The following POTEE variants were observed in gnomAD, a reference collection of about 807,000 sequenced individuals.
POTEE encodes POTE ankyrin domain family member E, also known as ANKRD26-like family C member 1A.
A neutral mutation model predicts 74.2 loss-of-function variants in POTEE; 21 were observed. The observed-to-expected ratio is 0.28, with a 90% CI of 0.20 to 0.41. The LOEUF (loss-of-function observed/expected upper bound fraction) is 0.41, where lower values mean the gene tolerates loss of function less well. Ranked by LOEUF, POTEE falls within the 10% of genes least tolerant of loss-of-function variation. The probability of loss-of-function intolerance (pLI) is 1.00; values close to 1 mark genes in which losing one functional copy is unlikely to be tolerated. For synonymous variants in POTEE, 211 were observed against 432.8 expected (o/e 0.49, Z 6.36); for missense variants, 525 against 1,158.6 (o/e 0.45, Z 7.94).
At position 131,209,544 on chromosome 2, in the gene POTEE, C is replaced by G. The variant is rs1309056334; in HGVS notation, c.-620C>G. Among the ~76,000 whole-genome samples the G allele has an allele frequency of 6.6e-6, 1 of 152,204 alleles. No individual in the cohort carries two copies. Among genetic ancestry groups the G allele is most frequent in the Non-Finnish European group, 1.5e-5 (1 of 68,042 alleles). ...GGAGGTGGCGTCAGGTCATTTCAGG[C>G]TCTTAAGTGTGGGCGTTTGGTAACC... On this transcript the variant is annotated 5_prime_UTR_variant, in exon 1 of 18. Coordinates refer to ENST00000683005, the MANE Select transcript of POTEE (RefSeq NM_001083538.3).
chr2:131,260,209 G>C (rs1701669525), intron 16 of POTEE, among the ~76,000 whole-genome samples: 1 of 149,882 alleles, frequency 6.7e-6, no homozygotes, highest in Admixed American at 6.6e-5. Context: ...CGCTGTTTCT[G>C]TTACTGTGGT....
At chr2:131,215,217 A>G (rs927771862) in intron 2 of POTEE, among the ~76,000 whole-genome samples, 27 of 152,188 alleles carry the variant, frequency 1.8e-4, no homozygotes, top group African/African-American at 5.3e-4. Flanking sequence ...AATCATTTAA[A>G]CGTTAGATAA....
chr2:131,221,124 T>A (rs1055161934), intron 4 of POTEE, among the ~76,000 whole-genome samples: 1 of 152,342 alleles, frequency 6.6e-6, no homozygotes, highest in Non-Finnish European at 1.5e-5. Context: ...AAAAATGTTA[T>A]GCTTTTTACT....
At chr2:131,221,371 A>G (rs1319850097) in intron 4 of POTEE, among the ~76,000 whole-genome samples, 1 of 152,236 alleles carries the variant, frequency 6.6e-6, no homozygotes, top group Admixed American at 6.5e-5. Context: ...TTGGTTACAC[A>G]TATACACGAA....
chr2:131,233,322 T>TTA (rs1233305814), intron 9 of POTEE, among the ~76,000 whole-genome samples: 1 of 151,856 alleles, frequency 6.6e-6, no homozygotes, highest in African/African-American at 2.4e-5. Flanking sequence ...GCCACCATGA[T>TTA]TATATGTAAG....
rs535980402 is a variant in POTEE at position 131,236,561 on chromosome 2, C to T, written c.1127-171C>T. ...GAGTGAATGACATCAGGTGTCTCCCCAAGTGGTTTGTTGAAGTTTGGGAGA... is the reference window on the plus strand; with the variant it reads ...GAGTGAATGACATCAGGTGTCTCCCTAAGTGGTTTGTTGAAGTTTGGGAGA... On this transcript the variant is annotated intron_variant, in intron 9 of 17. Transcript: ENST00000683005. Among the ~76,000 whole-genome samples the T allele has an allele frequency of 3.3e-5, 5 of 151,542 alleles. No homozygotes were observed. In the South Asian group the frequency reaches 8.4e-4, roughly 25 times the overall value.
chr2:131,222,270 G>T (rs1231990846), intron 4 of POTEE, among the ~76,000 whole-genome samples: 8 of 152,244 alleles, frequency 5.3e-5, no homozygotes, highest in Non-Finnish European at 2.9e-5. Context: ...GACATGGATG[G>T]TGTTGAAAGC....
At chr2:131,223,418 C>A (rs1428106533) in intron 4 of POTEE, among the ~76,000 whole-genome samples, 178 bp from the exon 5 acceptor site, 1 of 149,386 alleles carries the variant, frequency 6.7e-6, no homozygotes, top group Non-Finnish European at 1.5e-5. Context: ...GCTGCCCTTT[C>A]ATTAATACAG....
At chr2:131,235,891 A>G (rs1271285144) in intron 9 of POTEE, among the ~76,000 whole-genome samples, 1 of 152,052 alleles carries the variant, frequency 6.6e-6, no homozygotes, top group Non-Finnish European at 1.5e-5. Context: ...GTACACTAAT[A>G]AAGGTGTCAG....
At chr2:131,230,734 T>C (rs1700927172) in intron 8 of POTEE, 102 bp from the exon 9 acceptor site, 5 of 1,353,894 alleles carry the variant, frequency 3.7e-6, no homozygotes, top group Non-Finnish European at 5.1e-6. Flanking sequence ...AGTTCTGTTA[T>C]TCTGATATTG....
intron 9 of POTEE, among the ~76,000 whole-genome samples, chr2:131,231,881 C>T (rs1484474503): frequency 7.2e-5 from 11 of 152,032 alleles, no homozygotes; most frequent in African/African-American, 2.4e-4. Flanking sequence ...TTTAATTTAG[C>T]CATCTATTTA....
intron 2 of POTEE, among the ~76,000 whole-genome samples, chr2:131,212,620 A>G (rs1190026288): frequency 1.5e-5 from 2 of 132,368 alleles, no homozygotes; most frequent in Non-Finnish European, 3.2e-5. Context: ...GCTGGAGTGC[A>G]ATGGGGCGAT....
At chr2:131,224,586 T>C (rs573840751) in intron 6 of POTEE, among the ~76,000 whole-genome samples, 4 of 151,460 alleles carry the variant, frequency 2.6e-5, no homozygotes, top group Non-Finnish European at 5.9e-5. Context: ...GGAAATTAGA[T>C]AATGGAGGGA....
intron 4 of POTEE, among the ~76,000 whole-genome samples, chr2:131,222,450 T>C (rs1345749764): frequency 1.3e-5 from 2 of 151,744 alleles, no homozygotes; most frequent in African/African-American, 2.4e-5. Flanking sequence ...GGAAATAGAA[T>C]GAATGGGTAC....
intron 8 of POTEE, among the ~76,000 whole-genome samples, chr2:131,228,796 A>G (rs6723446): frequency 6.8e-6 from 1 of 146,394 alleles, no homozygotes; most frequent in Non-Finnish European, 1.5e-5. Context: ...GAACCGAAGG[A>G]GTTCACTAAA....
intron 9 of POTEE, among the ~76,000 whole-genome samples, chr2:131,233,704 A>G (rs1573718525): frequency 2.7e-5 from 4 of 150,588 alleles, no homozygotes; most frequent in African/African-American, 7.4e-5. Flanking sequence ...AATAAAAGCC[A>G]TTTTGTAAAT....
rs1165530400 is a variant in POTEE, at chr2:131,263,944, C to T, written c.2489C>T (p.Pro830Leu). ...ATCATGTTTGAGACCTTCAACACCC[C>T]AGCCATGTACGTGGCCATCCAGGCC... ...TQIMFETFNTPAMYVAIQAVP... is the reference protein window; with the variant it reads ...TQIMFETFNTLAMYVAIQAVP... The change falls in exon 18 of 18, where the codon CCA (proline) becomes CTA (leucine). Residue 830 changes from proline to leucine, a missense_variant. By Grantham distance (98) the Pro-to-Leu change is moderately conservative (BLOSUM62 -3). Transcript: ENST00000683005. The T allele has an allele frequency of 6.2e-7, 1 of 1,614,096 alleles. No individual in the cohort carries two copies. The highest frequency in any genetic ancestry group is 8.5e-7 in the Non-Finnish European group (1 of 1,180,054).
chr2:131,211,811 C>G (rs185352017), intron 2 of POTEE, among the ~76,000 whole-genome samples: 1 of 150,858 alleles, frequency 6.6e-6, no homozygotes, highest in Admixed American at 6.6e-5. Context: ...CCACCTTGGC[C>G]TCCCAAAGTG....
intron 2 of POTEE, among the ~76,000 whole-genome samples, chr2:131,213,564 T>A (rs1396945978): frequency 1.3e-5 from 2 of 150,986 alleles, no homozygotes; most frequent in Non-Finnish European, 3.0e-5. Flanking sequence ...ATATCTAAAT[T>A]TTTGTCCAGA....
Sources: allele counts gnomAD v4.1 joint callset (sites outside exome capture counted in the v4.1 genomes callset), GRCh38; gene constraint gnomAD v4.1.1; transcripts MANE v1.5; gene names NCBI Gene and HGNC (gene_info 2026-07-23, HGNC 2026-07-21).